Variants in IFT122 observed in about 807,000 individuals in gnomAD.
IFT122 encodes intraflagellar transport 122.
IFT122 carries 118 observed loss-of-function variants against 161.6 expected under a neutral mutation model. The ratio of observed to expected loss-of-function variants is 0.73; its 90% CI spans 0.63 to 0.85. IFT122 has a LOEUF of 0.85. IFT122 is among the 40% of genes least tolerant of loss of function. The pLI is 0.00. For synonymous variants in IFT122, 550 were observed against 602.4 expected (o/e 0.91, Z 1.27); for missense variants, 1,381 against 1,579.6 (o/e 0.87, Z 2.13).
At chr3:129,472,789 ATCTTCAGATTAGAG>A (rs2077502534) in intron 9 of IFT122, among the ~76,000 whole-genome samples, 1 of 151,940 alleles carries the variant, frequency 6.6e-6, no homozygotes, top group South Asian at 2.1e-4. Context: ...TTTCCCTCTG[ATCTTCAGATTAGAG>A]GATTTCTGTT....
intron 18 of IFT122, among the ~76,000 whole-genome samples, chr3:129,497,741 GC>G (rs1457192811): frequency 6.6e-6 from 1 of 152,274 alleles, no homozygotes; most frequent in Admixed American, 6.5e-5. Context: ...AATCCCCCCT[GC>G]CCCCACCTGG....
At chr3:129,476,950 T>C in intron 11 of IFT122, 149 bp downstream of exon 11, 4 of 836,232 alleles carry the variant, frequency 4.8e-6, no homozygotes, top group South Asian at 1.7e-5. Flanking sequence ...GTTTTCTTTT[T>C]TTTTTTTTTT....
intron 23 of IFT122, among the ~76,000 whole-genome samples, chr3:129,510,013 G>A (rs1010127722): frequency 2.0e-5 from 3 of 152,222 alleles, no homozygotes; most frequent in African/African-American, 4.8e-5. Context: ...TGCTGCTCCA[G>A]GCAAGGCTTC....
intron 19 of IFT122, among the ~76,000 whole-genome samples, chr3:129,501,680 A>G (rs1412231785): frequency 5.9e-5 from 9 of 152,180 alleles, no homozygotes; most frequent in Admixed American, 5.9e-4. Context: ...CACATTAAGC[A>G]TGTTCTGCTT....
intron 5 of IFT122, 191 bp downstream of exon 5, chr3:129,461,495 T>C (rs1195210026): frequency 9.4e-6 from 6 of 639,740 alleles, no homozygotes. Context: ...TGGTGACCTT[T>C]ACTCTGGTAA....
chr3:129,512,462 G>A (rs766412502), intron 24 of IFT122, 50 bp downstream of exon 24: 5 of 1,290,846 alleles, frequency 3.9e-6, no homozygotes, highest in Non-Finnish European at 4.5e-6. Flanking sequence ...CTTGTCTAAT[G>A]GCCCCAAGAA....
intron 2 of IFT122, 95 bp from the exon 3 acceptor site, chr3:129,451,819 G>A (rs187405331): frequency 2.1e-5 from 21 of 984,102 alleles, no homozygotes; most frequent in African/African-American, 1.1e-4. Context: ...ATATTGACAC[G>A]TATTGTTATA....
rs762086844 is a variant in IFT122, at chr3:129,507,710, T to A, written c.2834T>A (p.Phe945Tyr). ...KDTMLGKFYHFQRLAELYHGY... is the reference protein window; with the variant it reads ...KDTMLGKFYHYQRLAELYHGY... ...ACAATGCTTGGCAAGTTCTACCACT[T>A]CCAGCGTTTGGCAGAGCTGTACCAT... The change falls in exon 23 of 30, where the codon TTC becomes TAC. Residue 945 changes from phenylalanine to tyrosine, a missense_variant. This residue lies in a region of IFT122 where 496 missense variants were observed against 502.5 expected (regional missense o/e 0.99). Coordinates refer to ENST00000348417, the MANE Select transcript of IFT122 (RefSeq NM_052989.3). The A allele has an allele frequency of 1.2e-6, 2 of 1,614,058 alleles. No homozygotes were observed. The highest frequency in any genetic ancestry group is 4.5e-5 in the East Asian group (2 of 44,890).
chr3:129,448,457 C>T (rs556711820), intron 1 of IFT122, among the ~76,000 whole-genome samples: 3 of 152,288 alleles, frequency 2.0e-5, no homozygotes, highest in Admixed American at 6.5e-5. Flanking sequence ...CTAGGTGTGT[C>T]ATTTGCATTG....
Position 129,517,482 on chromosome 3 carries a change from G to C in IFT122, c.3279G>C (p.Leu1093=), listed in dbSNP as rs752437724. Residue 1093 remains leucine, a synonymous_variant, in exon 27 of 30, where the codon CTG becomes CTC. Transcript: ENST00000348417. ...TATGCCCTCCAGACGTGCTACACCTGGTTGAGTTCTACCTGGAGGAAGGGA... is the reference window on the plus strand; with the variant it reads ...TATGCCCTCCAGACGTGCTACACCTCGTTGAGTTCTACCTGGAGGAAGGGA... ...FSASSYDVLH[L]VEFYLEEGIT... is the part of the protein sequence containing the mutation. 1 of 1,613,802 alleles carries C rather than the reference G, an allele frequency of 6.2e-7. No homozygotes were observed. The highest frequency in any genetic ancestry group is 1.7e-5 in the Admixed American group (1 of 60,020).
chr3:129,481,618 G>T lies in IFT122; in HGVS notation c.1577G>T (p.Arg526Leu). 1.2e-6 allele frequency: 2 copies of T among 1,606,846 alleles called. No individual in the cohort carries two copies. Among genetic ancestry groups the T allele is most frequent in the South Asian group, 1.1e-5 (1 of 90,920 alleles). Reference protein sequence around the residue: ...AVRCLDMSASRKKLAVVDEND... With the variant: ...AVRCLDMSASLKKLAVVDEND... ...CGCTGCTTGGACATGAGTGCCTCCC[G>T]TAAGAAGCTGGCCGTGGTAGATGAA... Residue 526 changes from arginine (R) to leucine (L), a missense_variant, in exon 14 of 30, where the codon CGT becomes CTT. This residue lies in a region of IFT122 where 544 missense variants were observed against 648.0 expected (regional missense o/e 0.84). Coordinates refer to ENST00000348417, the MANE Select transcript of IFT122 (RefSeq NM_052989.3).
intron 1 of IFT122, among the ~76,000 whole-genome samples, chr3:129,440,981 G>A (rs144605992): frequency 6.6e-5 from 10 of 152,268 alleles, no homozygotes; most frequent in Non-Finnish European, 1.2e-4. Flanking sequence ...CTGGAGATGG[G>A]CAGGTATGAT....
At chr3:129,456,321 T>A in intron 3 of IFT122, 1 of 1,158,780 alleles carries the variant, frequency 8.6e-7, no homozygotes, top group Non-Finnish European at 1.1e-6. Context: ...TGGCTCACCC[T>A]AATATCTACT....
chr3:129,456,644 G>A (rs915283619), intron 3 of IFT122, among the ~76,000 whole-genome samples: 5 of 151,722 alleles, frequency 3.3e-5, no homozygotes, highest in African/African-American at 4.8e-5. Flanking sequence ...CTCAAAAAGG[G>A]CCAGTCGTGG....
At chr3:129,510,185 C>T (rs1329406115) in intron 23 of IFT122, among the ~76,000 whole-genome samples, 1 of 152,184 alleles carries the variant, frequency 6.6e-6, no homozygotes, top group Non-Finnish European at 1.5e-5. Context: ...CTGAGCCTCC[C>T]AGAGCACTGG....
At chr3:129,517,413 C>G (rs142794365) in intron 26 of IFT122, 56 bp from the exon 27 acceptor site, 1 of 1,605,600 alleles carries the variant, frequency 6.2e-7, no homozygotes, top group African/African-American at 1.3e-5. Context: ...ACCTGCCTGG[C>G]GGCAAGTCCT....
intron 19 of IFT122, 80 bp downstream of exon 19, chr3:129,500,148 A>C: frequency 6.7e-7 from 1 of 1,497,532 alleles, no homozygotes; most frequent in Non-Finnish European, 9.3e-7. Flanking sequence ...GGGAACCAAT[A>C]GTGCTTTTCT....
chr3:129,472,975 G>A (rs960392304), intron 9 of IFT122, among the ~76,000 whole-genome samples: 1 of 151,794 alleles, frequency 6.6e-6, no homozygotes, highest in Non-Finnish European at 1.5e-5. Flanking sequence ...TTTCTTTATA[G>A]CCTTAATCAT....
At chr3:129,462,152 G>A (rs1207442223) in intron 5 of IFT122, among the ~76,000 whole-genome samples, 1 of 152,208 alleles carries the variant, frequency 6.6e-6, no homozygotes, top group African/African-American at 2.4e-5. Context: ...TAAATACATG[G>A]AGAAAGGCCT....
Sources: allele counts gnomAD v4.1 joint callset (sites outside exome capture counted in the v4.1 genomes callset), GRCh38; gene constraint gnomAD v4.1.1; regional missense constraint gnomAD v4.1.1; transcripts MANE v1.5; gene names NCBI Gene and HGNC (gene_info 2026-07-23, HGNC 2026-07-21).